The following PPP3R1 variants were observed in gnomAD, a reference collection of about 807,000 sequenced individuals.
PPP3R1 encodes calcineurin subunit B type 1.
In PPP3R1, 5 loss-of-function variants were observed where a neutral mutation model predicts 22.6. The ratio of observed to expected loss-of-function variants is 0.22; its 90% CI spans 0.12 to 0.46. The LOEUF is 0.46. PPP3R1 is among the 20% of genes least tolerant of loss of function. The probability of loss-of-function intolerance (pLI) is 0.99; values close to 1 mark genes in which losing one functional copy is unlikely to be tolerated. For missense variants in PPP3R1, 61 were observed against 203.2 expected (o/e 0.30, Z 4.25); for synonymous variants, 56 against 65.2 (o/e 0.86, Z 0.68).
Position 68,251,963 on chromosome 2 carries a change from C to T in PPP3R1, c.3+162G>A, listed in dbSNP as rs865810739. Among the ~76,000 whole-genome samples, 364 of 148,136 alleles carry T rather than the reference C, an allele frequency of 2.5e-3. 1 individual carries two copies. The highest frequency in any genetic ancestry group is 8.3e-3 in the African/African-American group (341 of 41,052). ...TCCTGTCAGCAGCCGCCCCGCCGCC[C>T]TCTCCGGCTCGCCCGCAACCGCCGC... On this transcript the variant is annotated intron_variant, in intron 1 of 5. Transcript: ENST00000234310.
intron 1 of PPP3R1, among the ~76,000 whole-genome samples, chr2:68,249,599 C>G (rs1435745062): frequency 6.6e-6 from 1 of 151,878 alleles, no homozygotes; most frequent in East Asian, 1.9e-4. Flanking sequence ...ACACCTCGTT[C>G]AGGGGAAATT....
At chr2:68,190,410 C>A (rs1248353143) in intron 2 of PPP3R1, among the ~76,000 whole-genome samples, 1 of 151,734 alleles carries the variant, frequency 6.6e-6, no homozygotes, top group Non-Finnish European at 1.5e-5. Flanking sequence ...ACTAAAAATA[C>A]AAAAATTAGC....
In PPP3R1 at chr2:68,209,165, C is replaced by T. The variant is rs1427644731; in HGVS notation, c.43+7927G>A. ...CGAGGTCAGGAGATCGAGAACATCC[C>T]GGCTAAAACGGTGAAACCCCGTCTC... On this transcript the variant is annotated intron_variant, in intron 2 of 5. Transcript: ENST00000234310. Among the ~76,000 whole-genome samples, 10 of 148,618 alleles carry T rather than the reference C, an allele frequency of 6.7e-5. No individual in the cohort carries two copies. In the South Asian group the frequency reaches 1.5e-3, roughly 22 times the overall value.
At chr2:68,188,431 CTT>C (rs11343435) in intron 3 of PPP3R1, 81 bp downstream of exon 3, 36,089 of 927,940 alleles carry the variant, frequency 0.039, 1 homozygote, top group South Asian at 0.046. Flanking sequence ...AATATAAGCA[CTT>C]TTTTTTTTTT....
At chr2:68,198,705 A>T (rs1019091691) in intron 2 of PPP3R1, among the ~76,000 whole-genome samples, 27 of 152,052 alleles carry the variant, frequency 1.8e-4, no homozygotes, top group Non-Finnish European at 3.4e-4. Context: ...AGTTTGCTAA[A>T]TTTTTTAAAA....
chr2:68,246,067 CTTTTTTTTT>C (rs746584723), intron 1 of PPP3R1, among the ~76,000 whole-genome samples: 25 of 73,812 alleles, frequency 3.4e-4, no homozygotes, highest in South Asian at 3.2e-3. Flanking sequence ...TTCTTTCTTT[CTTTTTTTTT>C]TTTTTTTTTT....
intron 2 of PPP3R1, among the ~76,000 whole-genome samples, chr2:68,197,789 A>T (rs1175628592): frequency 1.3e-5 from 2 of 152,020 alleles, no homozygotes; most frequent in South Asian, 2.1e-4. Flanking sequence ...TCATAGGTGT[A>T]TTTTTAAAAC....
intron 2 of PPP3R1, among the ~76,000 whole-genome samples, chr2:68,214,128 T>A (rs1284194161): frequency 6.6e-6 from 1 of 152,148 alleles, no homozygotes; most frequent in Non-Finnish European, 1.5e-5. Flanking sequence ...TTATACCATA[T>A]ACAAATCAAC....
At chr2:68,240,598 G>T (rs2103807404) in intron 1 of PPP3R1, among the ~76,000 whole-genome samples, 1 of 152,288 alleles carries the variant, frequency 6.6e-6, no homozygotes, top group African/African-American at 2.4e-5. Flanking sequence ...ACCTGCTCTG[G>T]GAGTGTATGG....
At chr2:68,249,951 T>C (rs1670311929) in intron 1 of PPP3R1, among the ~76,000 whole-genome samples, 1 of 152,200 alleles carries the variant, frequency 6.6e-6, no homozygotes, top group Admixed American at 6.5e-5. Flanking sequence ...TATGTTCAAT[T>C]AACCAGAAAA....
At chr2:68,190,800 G>A (rs1350319416) in intron 2 of PPP3R1, among the ~76,000 whole-genome samples, 1 of 152,116 alleles carries the variant, frequency 6.6e-6, no homozygotes, top group African/African-American at 2.4e-5. Flanking sequence ...GGCATACATT[G>A]GCTCACTACT....
chr2:68,232,732 G>A (rs938147984), intron 1 of PPP3R1, among the ~76,000 whole-genome samples: 3 of 151,896 alleles, frequency 2.0e-5, no homozygotes, highest in African/African-American at 2.4e-5. Flanking sequence ...TCAGCCTCTC[G>A]AGTAGCTGGG....
At chr2:68,204,353 G>GATATATATATATTCTGAT (rs1491437318) in intron 2 of PPP3R1, among the ~76,000 whole-genome samples, 100,577 of 148,058 alleles carry the variant, frequency 0.68, 34,277 homozygotes, top group South Asian at 0.77. Flanking sequence ...TATATATTCT[G>GATATATATATATTCTGAT]ATATATATAT....
At chr2:68,181,157 AGGCAGGT>A in intron 5 of PPP3R1, 147 bp from the exon 6 acceptor site, 1 of 703,194 alleles carries the variant, frequency 1.4e-6, no homozygotes. Context: ...TGGAAGGCCA[AGGCAGGT>A]GGATCACAAG....
rs554651753 is a variant in PPP3R1 at position 68,188,778 on chromosome 2, T to A, written c.44-88A>T. On this transcript the variant is annotated intron_variant, in intron 2 of 5. Coordinates refer to ENST00000234310, the MANE Select transcript of PPP3R1 (RefSeq NM_000945.4). ...GGCAGTAGCAAGATTTTAAAAAAAA[T>A]TTTAATAGTTATAGGGGGGAAAAAA... 49 of 1,217,582 alleles carry A rather than the reference T, an allele frequency of 4.0e-5. 1 individual carries two copies. The highest frequency in any genetic ancestry group is 2.3e-4 in the South Asian group (13 of 56,522). The allele number at this position is 1,217,582 out of a possible 1,614,324, so 75.4% of individuals were successfully genotyped here. A position where few individuals can be genotyped will look rare whatever the true frequency, so the allele number is the denominator to read the frequency against.
chr2:68,249,726 C>T (rs908137369), intron 1 of PPP3R1, among the ~76,000 whole-genome samples: 2 of 145,944 alleles, frequency 1.4e-5, no homozygotes, highest in Non-Finnish European at 3.0e-5. Flanking sequence ...CTTTAACTTT[C>T]AGGAAAAAAA....
At chr2:68,229,868 GTGTGTGTATGTA>G (rs1234196083) in intron 1 of PPP3R1, among the ~76,000 whole-genome samples, 3 of 151,840 alleles carry the variant, frequency 2.0e-5, no homozygotes, top group Non-Finnish European at 4.4e-5. Flanking sequence ...GTGTGTGTGT[GTGTGTGTATGTA>G]TGTGTGTATA....
intron 1 of PPP3R1, among the ~76,000 whole-genome samples, chr2:68,232,138 CATATATATGTATAT>C (rs1669920170): frequency 3.6e-5 from 3 of 82,988 alleles, no homozygotes; most frequent in Non-Finnish European, 6.9e-5. Flanking sequence ...CACACACACA[CATATATATGTATAT>C]ATATATACAT....
chr2:68,183,294 G>A (rs1674452392), intron 5 of PPP3R1, among the ~76,000 whole-genome samples: 1 of 152,178 alleles, frequency 6.6e-6, no homozygotes, highest in Non-Finnish European at 1.5e-5. Flanking sequence ...TAAGAAATCT[G>A]GTGCCATTAT....
Sources: allele counts gnomAD v4.1 joint callset (sites outside exome capture counted in the v4.1 genomes callset), GRCh38; gene constraint gnomAD v4.1.1; transcripts MANE v1.5; gene names NCBI Gene and HGNC (gene_info 2026-07-23, HGNC 2026-07-21).